The following SCN8A variants were observed in gnomAD, a reference collection of about 807,000 sequenced individuals.
SCN8A encodes sodium channel protein type 8 subunit alpha.
A neutral mutation model predicts 184.1 loss-of-function variants in SCN8A; 30 were observed. The ratio of observed to expected loss-of-function variants is 0.16; its 90% CI spans 0.12 to 0.22. The LOEUF is 0.22. Among genes scored for constraint, SCN8A ranks in the 10% least tolerant of loss-of-function variants. The pLI is 1.00. For missense variants in SCN8A, 1,057 were observed against 2,498.9 expected, an observed-to-expected ratio of 0.42 and a Z score of 12.30; for synonymous variants, 852 against 907.0, an observed-to-expected ratio of 0.94 and a Z score of 1.09.
intron 1 of SCN8A, among the ~76,000 whole-genome samples, chr12:51,659,275 A>G (rs116981728): frequency 1.2e-3 from 184 of 152,312 alleles, no homozygotes; most frequent in Non-Finnish European, 2.0e-3. Context: ...AAACTAATAT[A>G]TGGTGATAAC....
rs150461009 is a variant in SCN8A, at chr12:51,812,382, T to C, written c.*4953T>C. 3.8e-4 allele frequency: 60 copies of C among 158,104 alleles called. 1 individual carries two copies. The highest frequency in any genetic ancestry group is 1.0e-3 in the South Asian group (6 of 5,776). The allele number at this position is 158,104 out of a possible 1,614,324, so 9.8% of individuals were successfully genotyped here. A position where few individuals can be genotyped will look rare whatever the true frequency, so the allele number is the denominator to read the frequency against. ...TGCCTCAGTTTCCCCATCTGTAAAA[T>C]GGGGATAATAATACTGACCTACCTC... is the stretch of plus-strand genomic sequence containing the variant. On this transcript the variant is annotated 3_prime_UTR_variant, in exon 27 of 27. Transcript: ENST00000627620.
Position 51,678,400 on chromosome 12 carries a change from A to C in SCN8A, c.277-5774A>C, listed in dbSNP as rs77043082. 6.0e-3 allele frequency among the ~76,000 whole-genome samples: 907 copies of C among 152,340 alleles called. 4 individuals are homozygous for C. The highest frequency in any genetic ancestry group is 0.02 in the African/African-American group (836 of 41,582). On this transcript the variant is annotated intron_variant, in intron 2 of 26. Transcript: ENST00000627620. The stretch of plus-strand genomic sequence containing the variant: ...AACTCAAGAGAGTTCTACAAGGATA[A>C]AATGTGAGAGAATAAATAATAATAG...
intron 6 of SCN8A, among the ~76,000 whole-genome samples, chr12:51,696,202 G>T (rs1941589933): frequency 6.6e-6 from 1 of 152,148 alleles, no homozygotes. Context: ...GAATCGTCTG[G>T]AGAGATGGCT....
rs376614194 is a variant in SCN8A, at chr12:51,619,316, C to T, written c.-55+27957C>T. 1.1e-4 allele frequency among the ~76,000 whole-genome samples: 17 copies of T among 152,094 alleles called. No individual in the cohort carries two copies. The East Asian group carries it at 1.7e-3, about 16-fold the overall frequency. ...GGCATTTATTTCATTAATGAATATT[C>T]AGTAAATAAATATTTATTCCATTAA... On this transcript the variant is annotated intron_variant, in intron 1 of 26. Transcript: ENST00000627620.
chr12:51,801,695 C>T (rs903060059), intron 26 of SCN8A, among the ~76,000 whole-genome samples: 11 of 152,162 alleles, frequency 7.2e-5, no homozygotes, highest in African/African-American at 2.2e-4. Context: ...TTCCTTCCAC[C>T]GTTGTCCTGC....
In SCN8A at chr12:51,807,885, AAC is replaced by A. The variant is rs397974598; in HGVS notation, c.*469_*470del. On this transcript the variant is annotated 3_prime_UTR_variant, in exon 27 of 27. Coordinates refer to ENST00000627620, the MANE Select transcript of SCN8A (RefSeq NM_001330260.2). This position sits in a 1 kb window ranked among gnomAD's most constrained non-coding sequence, Gnocchi z 4.5. ...TAGTTAAGCTAAGCAGCAAAAAGAAAACACACACACACACTCACATTTAGCCC... is the reference window on the plus strand; with the variant it reads ...TAGTTAAGCTAAGCAGCAAAAAGAAAACACACACACACTCACATTTAGCCC... 40 of 196,492 alleles carry A rather than the reference AAC, an allele frequency of 2.0e-4. No homozygotes were observed. The highest frequency in any genetic ancestry group is 2.8e-4 in the South Asian group (3 of 10,644). 12.2% of individuals were successfully genotyped at this position (196,492 alleles called of 1,614,324 possible).
intron 2 of SCN8A, among the ~76,000 whole-genome samples, chr12:51,663,903 ATTT>A (rs796653928): frequency 1.1e-3 from 80 of 69,826 alleles, no homozygotes; most frequent in South Asian, 4.0e-3. Context: ...CATTTGACAG[ATTT>A]TTTTTTTTTT....
chr12:51,792,083 A>C (rs1226993030), intron 25 of SCN8A, among the ~76,000 whole-genome samples: 1 of 152,112 alleles, frequency 6.6e-6, no homozygotes, highest in Non-Finnish European at 1.5e-5. Flanking sequence ...GCTACAATAA[A>C]ATGTGGAAGA....
chr12:51,783,852 G>C (rs866386807), intron 21 of SCN8A, among the ~76,000 whole-genome samples: 15 of 152,226 alleles, frequency 9.9e-5, no homozygotes, highest in South Asian at 2.1e-4. Flanking sequence ...ATATCCATTG[G>C]AATTTTCTCA....
chr12:51,770,483 C>T (rs1237780279), intron 18 of SCN8A, 46 bp from the exon 19 acceptor site: 24 of 1,514,420 alleles, frequency 1.6e-5, no homozygotes, highest in East Asian at 2.4e-5. Context: ...CAGGTCTGGG[C>T]GGGGCACGTT....
Position 51,794,552 on chromosome 12 carries a change from G to A in SCN8A, c.4706G>A (p.Cys1569Tyr). ...LVFVIFFTCE[C>Y]VLKMFALRHY... ...TTTGTTATCTTCTTCACCTGTGAGT[G>A]TGTGCTCAAAATGTTTGCGTTGAGG... Residue 1569 changes from cysteine (C) to tyrosine (Y), a missense_variant, in exon 26 of 27, where the codon TGT becomes TAT. Cys to Tyr is a radical substitution (Grantham distance 194). Transcript: ENST00000627620. 5.6e-6 allele frequency: 9 copies of A among 1,613,974 alleles called. No individual in the cohort carries two copies. The highest frequency in any genetic ancestry group is 7.6e-6 in the Non-Finnish European group (9 of 1,179,878).
At chr12:51,654,490 A>G (rs765572710) in intron 1 of SCN8A, among the ~76,000 whole-genome samples, 1 of 152,300 alleles carries the variant, frequency 6.6e-6, no homozygotes, top group South Asian at 2.1e-4. Flanking sequence ...GTCAAAAATC[A>G]TTTGACCATA....
chr12:51,786,408 T>C (rs1938086916), intron 21 of SCN8A, 134 bp from the exon 22 acceptor site: 15 of 1,003,612 alleles, frequency 1.5e-5, no homozygotes, highest in Non-Finnish European at 2.2e-5. Flanking sequence ...GTCTGTCCAG[T>C]TACTCTAATT....
At chr12:51,698,980 A>G (rs1941639167) in intron 6 of SCN8A, among the ~76,000 whole-genome samples, 1 of 152,188 alleles carries the variant, frequency 6.6e-6, no homozygotes, top group African/African-American at 2.4e-5. Flanking sequence ...CTAAATACCT[A>G]CTGTGGGCTA....
chr12:51,608,688 C>A (rs1041715821), intron 1 of SCN8A, among the ~76,000 whole-genome samples: 1 of 152,074 alleles, frequency 6.6e-6, no homozygotes, highest in Non-Finnish European at 1.5e-5. Flanking sequence ...TTTGAAAGAA[C>A]CAGCTTTTTG....
chr12:51,594,749 A>G (rs1939307626), intron 1 of SCN8A, among the ~76,000 whole-genome samples: 1 of 152,180 alleles, frequency 6.6e-6, no homozygotes, highest in Non-Finnish European at 1.5e-5. Context: ...TGCTTCTACC[A>G]TAAGCAAAAC....
intron 12 of SCN8A, among the ~76,000 whole-genome samples, chr12:51,724,384 C>T (rs1237110821): frequency 6.6e-6 from 1 of 151,802 alleles, no homozygotes. Flanking sequence ...GAGGCGGAGG[C>T]TGTAATGAGC....
intron 7 of SCN8A, among the ~76,000 whole-genome samples, 166 bp from the exon 8 acceptor site, chr12:51,700,978 A>G (rs1203965595): frequency 2.0e-5 from 3 of 152,224 alleles, no homozygotes; most frequent in African/African-American, 7.2e-5. Context: ...ATATATAAGA[A>G]AATCATTAAT....
At chr12:51,684,939 A>C (rs1941395389) in intron 3 of SCN8A, among the ~76,000 whole-genome samples, 1 of 152,190 alleles carries the variant, frequency 6.6e-6, no homozygotes, top group East Asian at 1.9e-4. Flanking sequence ...TGATGGATTT[A>C]GTGATGTTGC....
Sources: gnomAD v4.1 joint callset for allele counts (sites outside exome capture counted in the v4.1 genomes callset) on GRCh38, gnomAD v4.1.1 for gene constraint, Gnocchi (gnomAD v3.1) non-coding constraint, MANE v1.5 for transcripts, NCBI Gene and HGNC (gene_info 2026-07-23, HGNC 2026-07-21) for gene names.